The following CLSTN2 variants were observed in gnomAD, a reference collection of about 807,000 sequenced individuals.
CLSTN2 encodes calsyntenin-2.
Under a neutral mutation model 101.2 loss-of-function variants are expected in CLSTN2, and 48 were observed. The ratio of observed to expected loss-of-function variants is 0.47; its 90% CI spans 0.38 to 0.60. The LOEUF is 0.60. Ranked by LOEUF, CLSTN2 falls within the 20% of genes least tolerant of loss-of-function variation. The probability of loss-of-function intolerance (pLI) is 0.00; values close to 1 mark genes in which losing one functional copy is unlikely to be tolerated. For synonymous variants in CLSTN2, 481 were observed against 463.6 expected, an observed-to-expected ratio of 1.04 and a Z score of -0.48; for missense variants, 1,160 against 1,238.2, an observed-to-expected ratio of 0.94 and a Z score of 0.95.
At position 140,566,510 on chromosome 3, in the gene CLSTN2, T is replaced by G; in HGVS notation, c.*257T>G. On this transcript the variant is annotated 3_prime_UTR_variant, in exon 17 of 17. Transcript: ENST00000458420. ...TGTAGCCTCCACTTCTGCCCTAAGT[T>G]CCCCAGCATCCTGACTACCTGTCTG... The G allele has an allele frequency of 2.0e-6, 1 of 511,878 alleles. No individual in the cohort carries two copies. The highest frequency in any genetic ancestry group is 2.7e-5 in the South Asian group (1 of 36,906). The allele number at this position is 511,878 out of a possible 1,614,324, so 31.7% of individuals were successfully genotyped here.
intron 1 of CLSTN2, among the ~76,000 whole-genome samples, chr3:140,039,761 A>G (rs902467922): frequency 1.3e-5 from 2 of 152,186 alleles, no homozygotes; most frequent in African/African-American, 2.4e-5. Context: ...TTATGTATGT[A>G]TCTATTTATG....
intron 1 of CLSTN2, among the ~76,000 whole-genome samples, chr3:140,124,220 A>T (rs2009393377): frequency 6.6e-6 from 1 of 152,124 alleles, no homozygotes; most frequent in Admixed American, 6.5e-5. Flanking sequence ...GAAGCCTAGT[A>T]TGGTTGTTCA....
At position 140,508,798 on chromosome 3, in the gene CLSTN2, A is replaced by T. The variant is rs1211373253; in HGVS notation, c.1345-23526A>T. 5 of 152,352 alleles carry T rather than the reference A, an allele frequency of 3.3e-5. No individual in the cohort carries two copies. The East Asian group carries it at 9.6e-4, about 29-fold the overall frequency. 9.4% of individuals were successfully genotyped at this position (152,352 alleles called of 1,614,324 possible). A position where few individuals can be genotyped will look rare whatever the true frequency, so the allele number is the denominator to read the frequency against. ...CTGACAGACAGCAGCTGGTTCAGGA[A>T]ATTCATGAGGAAAATATCCCTAGAT... On this transcript the variant is annotated intron_variant, in intron 8 of 16. Transcript: ENST00000458420.
intron 1 of CLSTN2, among the ~76,000 whole-genome samples, chr3:139,983,592 A>T (rs1168622902): frequency 6.6e-6 from 1 of 152,130 alleles, no homozygotes; most frequent in East Asian, 1.9e-4. Context: ...TGGATTTCTA[A>T]AAGTATAAAA....
At chr3:140,464,977 G>A (rs932178561) in intron 7 of CLSTN2, among the ~76,000 whole-genome samples, 2 of 152,172 alleles carry the variant, frequency 1.3e-5, no homozygotes, top group African/African-American at 4.8e-5. Flanking sequence ...TGGTCATGAG[G>A]CAGTGTGATA....
In CLSTN2 at chr3:140,567,525, C is replaced by G. The variant is rs759379024; in HGVS notation, c.*1272C>G. On this transcript the variant is annotated 3_prime_UTR_variant, in exon 17 of 17. Coordinates refer to ENST00000458420, the MANE Select transcript of CLSTN2 (RefSeq NM_022131.3). Reference sequence around the variant, plus strand: ...TTTGATAAGGAAATCTTTTCCATCTCCATCCTAACATGCACAACCTGTGAA... The same window carrying G: ...TTTGATAAGGAAATCTTTTCCATCTGCATCCTAACATGCACAACCTGTGAA... The G allele has an allele frequency of 6.6e-6, 1 of 152,220 alleles. No homozygotes were observed. The highest frequency in any genetic ancestry group is 2.4e-5 in the African/African-American group (1 of 41,460). The allele number at this position is 152,220 out of a possible 1,614,324, so 9.4% of individuals were successfully genotyped here. A position where few individuals can be genotyped will look rare whatever the true frequency, so the allele number is the denominator to read the frequency against.
At chr3:140,318,948 G>A (rs2087257023) in intron 2 of CLSTN2, among the ~76,000 whole-genome samples, 1 of 152,096 alleles carries the variant, frequency 6.6e-6, no homozygotes, top group Non-Finnish European at 1.5e-5. Context: ...CTTCAATGAA[G>A]GTGAATTGTA....
intron 1 of CLSTN2, among the ~76,000 whole-genome samples, chr3:139,969,533 C>T (rs1935658792): frequency 6.6e-6 from 1 of 152,166 alleles, no homozygotes; most frequent in African/African-American, 2.4e-5. Flanking sequence ...CTACATACAT[C>T]ACTACCTCCT....
chr3:140,265,647 A>T (rs1053967132), intron 2 of CLSTN2, among the ~76,000 whole-genome samples: 1 of 152,216 alleles, frequency 6.6e-6, no homozygotes, highest in Non-Finnish European at 1.5e-5. Flanking sequence ...TGTTGATATG[A>T]AATAAAAGCC....
intron 2 of CLSTN2, among the ~76,000 whole-genome samples, chr3:140,318,617 G>A (rs1342307238): frequency 1.3e-5 from 2 of 152,166 alleles, no homozygotes; most frequent in Non-Finnish European, 2.9e-5. Context: ...TTTTCTTCAT[G>A]CTATTGGCTA....
rs36054782 is a variant in CLSTN2 at position 140,556,637 on chromosome 3, G to A, written c.1799G>A (p.Arg600His). The change falls in exon 11 of 17, where the codon CGC becomes CAC. Residue 600 changes from arginine (R) to histidine (H), a missense_variant. By Grantham distance (29) the Arg-to-His change is conservative (BLOSUM62 0). Coordinates refer to ENST00000458420, the MANE Select transcript of CLSTN2 (RefSeq NM_022131.3). ...SRQFPTAGVRRLKVSSKVQCF... is the reference protein window; with the variant it reads ...SRQFPTAGVRHLKVSSKVQCF... ...CAGTTCCCAACGGCGGGTGTGCGGC[G>A]CCTCAAAGTATCCTCCAAAGTCCAG... The A allele has an allele frequency of 2.3e-3, 3,643 of 1,613,874 alleles. 13 individuals are homozygous for A. Among genetic ancestry groups the A allele is most frequent in the Non-Finnish European group, 2.4e-3 (2,804 of 1,179,904 alleles).
intron 1 of CLSTN2, among the ~76,000 whole-genome samples, chr3:140,053,038 C>G (rs890107586): frequency 6.6e-6 from 1 of 152,184 alleles, no homozygotes; most frequent in African/African-American, 2.4e-5. Context: ...GCACAGAGCC[C>G]TTCTCTGGAT....
intron 4 of CLSTN2, among the ~76,000 whole-genome samples, chr3:140,419,606 CATAT>C (rs2088473334): frequency 3.7e-5 from 2 of 53,580 alleles, no homozygotes; most frequent in Admixed American, 3.6e-4. Context: ...TGTATATATA[CATAT>C]ATACGTGTAC....
At chr3:140,240,539 T>C (rs1348344290) in intron 2 of CLSTN2, among the ~76,000 whole-genome samples, 1 of 151,992 alleles carries the variant, frequency 6.6e-6, no homozygotes, top group Non-Finnish European at 1.5e-5. Flanking sequence ...CATGTGATAA[T>C]ACCACCTTAA....
intron 8 of CLSTN2, among the ~76,000 whole-genome samples, chr3:140,467,900 A>G (rs1176241452): frequency 6.6e-6 from 1 of 152,206 alleles, no homozygotes; most frequent in African/African-American, 2.4e-5. Context: ...TCCTCATAGA[A>G]GTACACATGT....
intron 16 of CLSTN2, 62 bp downstream of exon 16, chr3:140,564,207 C>A (rs1935988123): frequency 1.3e-6 from 2 of 1,490,122 alleles, no homozygotes; most frequent in African/African-American, 1.4e-5. Flanking sequence ...CCAGCTCAAC[C>A]CTTCCTATGC....
intron 2 of CLSTN2, among the ~76,000 whole-genome samples, chr3:140,202,447 A>G (rs2010729669): frequency 6.6e-6 from 1 of 152,248 alleles, no homozygotes; most frequent in South Asian, 2.1e-4. Flanking sequence ...CACCTAAACA[A>G]CTGGAAGGAT....
At chr3:140,342,924 A>G (rs1252561169) in intron 2 of CLSTN2, among the ~76,000 whole-genome samples, 2 of 152,266 alleles carry the variant, frequency 1.3e-5, no homozygotes, top group South Asian at 4.1e-4. Context: ...CTAGTATCAC[A>G]AGAGAACCAG....
At chr3:140,498,455 G>A (rs980115692) in intron 8 of CLSTN2, among the ~76,000 whole-genome samples, 1 of 152,208 alleles carries the variant, frequency 6.6e-6, no homozygotes, top group Non-Finnish European at 1.5e-5. Flanking sequence ...AGTGCCAAGT[G>A]GCTATGCCCT....
Sources: allele counts gnomAD v4.1 joint callset (sites outside exome capture counted in the v4.1 genomes callset), GRCh38; gene constraint gnomAD v4.1.1; transcripts MANE v1.5; gene names NCBI Gene and HGNC (gene_info 2026-07-23, HGNC 2026-07-21).